FLCN: variants seen among roughly 807,000 people sequenced by gnomAD.
FLCN encodes BHD skin lesion fibrofolliculoma protein.
Under a neutral mutation model 62.5 loss-of-function variants are expected in FLCN, and 22 were observed. The ratio of observed to expected loss-of-function variants is 0.35; its 90% CI spans 0.25 to 0.50. The LOEUF (loss-of-function observed/expected upper bound fraction) is 0.50, where lower values mean the gene tolerates loss of function less well. FLCN is among the 20% of genes least tolerant of loss of function. The probability of loss-of-function intolerance (pLI) is 0.97; values close to 1 mark genes in which losing one functional copy is unlikely to be tolerated. For synonymous variants in FLCN, 319 were observed against 310.0 expected, an observed-to-expected ratio of 1.03 and a Z score of -0.30; for missense variants, 657 against 778.0, an observed-to-expected ratio of 0.84 and a Z score of 1.85.
rs2046940715 is a variant in FLCN at position 17,216,863 on chromosome 17, A to C, written c.1176+206T>G. ...TTTTTGTTCCCTCTCAGGCCTGGGCAGTCAGCAGGCACACGCATCCTTCTG... is the reference window on the plus strand; with the variant it reads ...TTTTTGTTCCCTCTCAGGCCTGGGCCGTCAGCAGGCACACGCATCCTTCTG... On this transcript the variant is annotated intron_variant, in intron 10 of 13. Transcript: ENST00000285071. This position sits in a 1 kb window ranked among gnomAD's most constrained non-coding sequence, Gnocchi z 4.0. 1 of 639,478 alleles carries C rather than the reference A, an allele frequency of 1.6e-6. No homozygotes were observed. Among genetic ancestry groups the C allele is most frequent in the Non-Finnish European group, 2.8e-6 (1 of 354,514 alleles). 39.6% of individuals were successfully genotyped at this position (639,478 alleles called of 1,614,324 possible).
At position 17,216,661 on chromosome 17, in the gene FLCN, G is replaced by A. The variant is rs1259466002; in HGVS notation, c.1177-158C>T. 1.3e-5 allele frequency among the ~76,000 whole-genome samples: 2 copies of A among 152,114 alleles called. No individual in the cohort carries two copies. The highest frequency in any genetic ancestry group is 2.1e-4 in the South Asian group (1 of 4,822). The stretch of plus-strand genomic sequence containing the variant: ...CAGACTCTCAGCCCACAGTGGGGGT[G>A]AGGGGGGAGGGTCCTCCACCACCAG... On this transcript the variant is annotated intron_variant, in intron 10 of 13. Transcript: ENST00000285071. This position sits in a 1 kb window ranked among gnomAD's most constrained non-coding sequence, Gnocchi z 4.0.
chr17:17,230,598 C>G, intron 3 of FLCN, among the ~76,000 whole-genome samples: 1 of 151,888 alleles, frequency 6.6e-6, no homozygotes, highest in Non-Finnish European at 1.5e-5. Flanking sequence ...TGTTGGCGGT[C>G]ACCTATAAAC....
At position 17,213,365 on chromosome 17, in the gene FLCN, G is replaced by A. The variant is rs886052660; in HGVS notation, c.*290C>T. 49 of 543,334 alleles carry A rather than the reference G, an allele frequency of 9.0e-5. 1 individual carries two copies. Among genetic ancestry groups the A allele is most frequent in the Non-Finnish European group, 1.5e-4 (45 of 299,906 alleles). 33.7% of individuals were successfully genotyped at this position (543,334 alleles called of 1,614,324 possible). On this transcript the variant is annotated 3_prime_UTR_variant, in exon 14 of 14. Transcript: ENST00000285071. ...GAGTCTAAGTCCACAAGGGGCCTGGGAGGCAAGCTGTCCTCCTAGTCGTCT... is the reference window on the plus strand; with the variant it reads ...GAGTCTAAGTCCACAAGGGGCCTGGAAGGCAAGCTGTCCTCCTAGTCGTCT...
rs1369491093 is a variant in FLCN, at chr17:17,227,940, C to A, written c.198G>T (p.Gly66=). 1 of 1,614,152 alleles carries A rather than the reference C, an allele frequency of 6.2e-7. No homozygotes were observed. The highest frequency in any genetic ancestry group is 8.5e-7 in the Non-Finnish European group (1 of 1,180,038). ...SRMRAHSPAE[G]ASVESSSPGP... ...CCGGGCTGCTGGACTCGACGCTGGC[C>A]CCCTCTGCGGGGCTGTGCGCACGCA... The change falls in exon 4 of 14, where the codon GGG becomes GGT. Residue 66 remains glycine (G), a synonymous_variant. Coordinates refer to ENST00000285071, the MANE Select transcript of FLCN (RefSeq NM_144997.7).
At chr17:17,224,227 C>T in intron 5 of FLCN, 84 bp from the exon 6 acceptor site, 1 of 1,279,830 alleles carries the variant, frequency 7.8e-7, no homozygotes, top group Non-Finnish European at 1.1e-6. Flanking sequence ...TTTTCAGAGT[C>T]AGCTGGCACA....
intron 7 of FLCN, among the ~76,000 whole-genome samples, 172 bp from the exon 8 acceptor site, chr17:17,221,800 G>A (rs565939482): frequency 6.6e-6 from 1 of 152,334 alleles, no homozygotes; most frequent in African/African-American, 2.4e-5. Flanking sequence ...CAACGACCAA[G>A]GTCCTTCAAT....
chr17:17,217,098 G>A lies in FLCN; in HGVS notation c.1147C>T (p.Leu383Phe). 6.2e-7 allele frequency: 1 copy of A among 1,613,782 alleles called. No homozygotes were observed. Among genetic ancestry groups the A allele is most frequent in the Non-Finnish European group, 8.5e-7 (1 of 1,179,708 alleles). Residue 383 changes from leucine (L) to phenylalanine (F), a missense_variant, in exon 10 of 14, where the codon CTC (leucine) becomes TTC (phenylalanine). Coordinates refer to ENST00000285071, the MANE Select transcript of FLCN (RefSeq NM_144997.7). ...AGTACTTCAAAAGCTGACTGGACGA[G>A]GTCCACGTCTCTGCTTTTCCAGATC... ...QVIWKSRDVD[L>F]VQSAFEVLRT...
chr17:17,215,485 C>T (rs945180025), intron 11 of FLCN, among the ~76,000 whole-genome samples, 169 bp from the exon 12 acceptor site: 1 of 152,158 alleles, frequency 6.6e-6, no homozygotes, highest in Non-Finnish European at 1.5e-5. Context: ...TCAGGTTATT[C>T]GTGAATAGTT....
intron 8 of FLCN, 120 bp downstream of exon 8, chr17:17,221,413 CTCGT>C: frequency 6.2e-7 from 1 of 1,613,820 alleles, no homozygotes; most frequent in South Asian, 1.1e-5. Flanking sequence ...TTCCCGAAGG[CTCGT>C]TCTGGGCTGA....
At chr17:17,234,206 T>TTA (rs1188576586) in intron 1 of FLCN, among the ~76,000 whole-genome samples, 13 of 145,950 alleles carry the variant, frequency 8.9e-5, no homozygotes, top group Non-Finnish European at 7.5e-5. Context: ...CTGTTTTGTT[T>TTA]TTTTTTGGTT....
intron 1 of FLCN, among the ~76,000 whole-genome samples, chr17:17,234,998 G>A (rs1452777002): frequency 6.6e-6 from 1 of 151,918 alleles, no homozygotes; most frequent in African/African-American, 2.4e-5. Flanking sequence ...TGTAGCCCCA[G>A]CTACTGGGGA....
intron 8 of FLCN, chr17:17,220,607 C>G (rs1166448073): frequency 6.5e-6 from 1 of 153,508 alleles, no homozygotes; most frequent in African/African-American, 2.4e-5. Flanking sequence ...CCATACTGCG[C>G]ATGCCCAGCA....
intron 1 of FLCN, among the ~76,000 whole-genome samples, chr17:17,234,497 A>G (rs8079971): frequency 1 from 151,335 of 151,346 alleles, 75,662 homozygotes; most frequent in Non-Finnish European, 1. Flanking sequence ...TTACAGGCAT[A>G]AGCCACCATG....
rs2144895352 is a variant in FLCN at position 17,219,094 on chromosome 17, G to A, written c.987C>T (p.Ser329=). The change falls in exon 9 of 14, where the codon TCC becomes TCT. Residue 329 remains serine, a synonymous_variant. Transcript: ENST00000285071. ...GRELTQGPAE[S]SSLSGCGSWQ... is the part of the protein sequence containing the mutation. ...AGCTCCCACAGCCTGAGAGAGAGGAGGACTCTGCCGGGCCCTGGGTCAGCT... is the reference window on the plus strand; with the variant it reads ...AGCTCCCACAGCCTGAGAGAGAGGAAGACTCTGCCGGGCCCTGGGTCAGCT... 1 of 1,614,156 alleles carries A rather than the reference G, an allele frequency of 6.2e-7. No individual in the cohort carries two copies. Among genetic ancestry groups the A allele is most frequent in the Non-Finnish European group, 8.5e-7 (1 of 1,180,016 alleles).
At position 17,216,757 on chromosome 17, in the gene FLCN, C is replaced by CA. The variant is rs1353902474; in HGVS notation, c.1177-255dup. On this transcript the variant is annotated intron_variant, in intron 10 of 13. Transcript: ENST00000285071. The surrounding 1 kb of genome is among the most constrained non-coding windows in gnomAD (Gnocchi z 4.0). ...CGCCCCTCGCTCTGTGGTGTTAACT[C>CA]ATATTAATGTTTGCCTGCACAGATG... Among the ~76,000 whole-genome samples the CA allele has an allele frequency of 2.0e-5, 3 of 152,210 alleles. No individual in the cohort carries two copies. Among genetic ancestry groups the CA allele is most frequent in the Non-Finnish European group, 4.4e-5 (3 of 68,030 alleles).
rs786203348 is a variant in FLCN at position 17,216,406 on chromosome 17, T to C, written c.1274A>G (p.Gln425Arg). 5.9e-5 allele frequency: 95 copies of C among 1,613,562 alleles called. No individual in the cohort carries two copies. Among genetic ancestry groups the C allele is most frequent in the Non-Finnish European group, 7.5e-5 (88 of 1,179,780 alleles). Residue 425 changes from glutamine to arginine, a missense_variant, in exon 11 of 14, where the codon CAG becomes CGG. Gln to Arg is a conservative substitution (Grantham distance 43). Transcript: ENST00000285071. This position sits in a 1 kb window ranked among gnomAD's most constrained non-coding sequence, Gnocchi z 4.0. ...TGAGGAGAGCACGTGGGGGGGGATC[T>C]GCACGTGCGGGCTGAGCCCCAGGAA... ...CNFLGLSPHVQIPPHVLSSEF... is the reference protein window; with the variant it reads ...CNFLGLSPHVRIPPHVLSSEF...
intron 11 of FLCN, among the ~76,000 whole-genome samples, chr17:17,215,646 G>A (rs1027363106): frequency 6.6e-6 from 1 of 152,192 alleles, no homozygotes; most frequent in Non-Finnish European, 1.5e-5. Context: ...AACAGGCCTG[G>A]AGACGTTAAA....
chr17:17,216,679 A>C lies in FLCN; in HGVS notation c.1177-176T>G, dbSNP rs924959764. ...TGGGGGTGAGGGGGGAGGGTCCTCCACCACCAGGTCCCTAACTCTTGTCTG... is the reference window on the plus strand; with the variant it reads ...TGGGGGTGAGGGGGGAGGGTCCTCCCCCACCAGGTCCCTAACTCTTGTCTG... On this transcript the variant is annotated intron_variant, in intron 10 of 13. Transcript: ENST00000285071. This position sits in a 1 kb window ranked among gnomAD's most constrained non-coding sequence, Gnocchi z 4.0. 6.6e-6 allele frequency among the ~76,000 whole-genome samples: 1 copy of C among 152,104 alleles called. No individual in the cohort carries two copies. The highest frequency in any genetic ancestry group is 2.4e-5 in the African/African-American group (1 of 41,496).
Position 17,222,726 on chromosome 17 carries a change from C to T in FLCN, c.619-65G>A, listed in dbSNP as rs574377321. On this transcript the variant is annotated intron_variant, in intron 6 of 13. Transcript: ENST00000285071. ...GCTGCCAGCAGCTCGGACCCCTACTCGTTCACAGCCAACTCCAGGACCTGA... is the reference window on the plus strand; with the variant it reads ...GCTGCCAGCAGCTCGGACCCCTACTTGTTCACAGCCAACTCCAGGACCTGA... 4.3e-4 allele frequency: 691 copies of T among 1,602,010 alleles called. 10 individuals are homozygous for T. The highest frequency in any genetic ancestry group is 3.3e-5 in the Non-Finnish European group (39 of 1,170,972).
Sources: gnomAD v4.1 joint callset for allele counts (sites outside exome capture counted in the v4.1 genomes callset) on GRCh38, gnomAD v4.1.1 for gene constraint, Gnocchi (gnomAD v3.1) non-coding constraint, MANE v1.5 for transcripts, NCBI Gene and HGNC (gene_info 2026-07-23, HGNC 2026-07-21) for gene names.